TACR3: variants seen among roughly 807,000 people sequenced by gnomAD.
TACR3 encodes neuromedin-K receptor.
A neutral mutation model predicts 35.0 loss-of-function variants in TACR3; 34 were observed. That is an observed-to-expected ratio of 0.97 (90% CI 0.74 to 1.30). TACR3 has a LOEUF of 1.30. Ranked by LOEUF, TACR3 falls within the 50% of genes most tolerant of loss-of-function variation. TACR3 has a pLI of 0.00. For missense variants in TACR3, 558 were observed against 591.7 expected (o/e 0.94, Z 0.59); for synonymous variants, 233 against 221.1 (o/e 1.05, Z -0.48).
chr4:103,690,807 G>T (rs1217695797), intron 1 of TACR3, among the ~76,000 whole-genome samples: 1 of 151,836 alleles, frequency 6.6e-6, no homozygotes, highest in Non-Finnish European at 1.5e-5. Flanking sequence ...ACTGTGTGAG[G>T]TAATGCATTT....
At chr4:103,644,516 C>T (rs192032391) in intron 3 of TACR3, among the ~76,000 whole-genome samples, 68 of 151,674 alleles carry the variant, frequency 4.5e-4, no homozygotes, top group Non-Finnish European at 6.5e-4. Context: ...ATTGATTCAT[C>T]GGTCAAAATA....
rs1241846917 is a variant in TACR3, at chr4:103,629,871, AC to A, written c.888+26322del. On this transcript the variant is annotated intron_variant, in intron 3 of 4. Coordinates refer to ENST00000304883, the MANE Select transcript of TACR3 (RefSeq NM_001059.3). The stretch of plus-strand genomic sequence containing the variant: ...AAAACAAAAAAAAAACAAAAAAAAA[AC>A]AAAAAAAACAACAACAACAACAAAA... 2.2e-3 allele frequency among the ~76,000 whole-genome samples: 234 copies of A among 106,134 alleles called. 2 individuals are homozygous for A. The highest frequency in any genetic ancestry group is 4.7e-3 in the African/African-American group (131 of 27,816). The allele number at this position is 106,134 out of a possible 152,430, so 69.6% of individuals were successfully genotyped here. A position where few individuals can be genotyped will look rare whatever the true frequency, so the allele number is the denominator to read the frequency against.
chr4:103,660,699 A>G (rs1381181965), intron 1 of TACR3, among the ~76,000 whole-genome samples: 1 of 152,034 alleles, frequency 6.6e-6, no homozygotes, highest in Admixed American at 6.6e-5. Flanking sequence ...TACCTCAATA[A>G]AGCTTACAGA....
At chr4:103,699,492 A>T (rs1722598192) in intron 1 of TACR3, among the ~76,000 whole-genome samples, 3 of 152,038 alleles carry the variant, frequency 2.0e-5, no homozygotes, top group Admixed American at 6.6e-5. Context: ...TGTAGAGGAG[A>T]TATATTGTGA....
At chr4:103,692,702 A>G (rs934542079) in intron 1 of TACR3, among the ~76,000 whole-genome samples, 2 of 152,182 alleles carry the variant, frequency 1.3e-5, no homozygotes, top group African/African-American at 4.8e-5. Flanking sequence ...CAGTGGAACC[A>G]CATCCAGATA....
chr4:103,603,195 C>A (rs1210431125), intron 3 of TACR3, among the ~76,000 whole-genome samples: 9 of 152,356 alleles, frequency 5.9e-5, no homozygotes, highest in Middle Eastern at 6.8e-3. Context: ...CCCTCCTAGC[C>A]ATGTGCGGGA....
intron 1 of TACR3, among the ~76,000 whole-genome samples, chr4:103,682,572 C>T (rs772356461): frequency 6.6e-6 from 1 of 152,088 alleles, no homozygotes; most frequent in Non-Finnish European, 1.5e-5. Context: ...TCCCTCGACA[C>T]ATAGGGATTA....
At chr4:103,670,315 G>T (rs1392904465) in intron 1 of TACR3, among the ~76,000 whole-genome samples, 1 of 151,864 alleles carries the variant, frequency 6.6e-6, no homozygotes, top group Non-Finnish European at 1.5e-5. Context: ...GGCTATTTGG[G>T]ATCTTCTGTG....
chr4:103,661,230 T>C (rs1489103205), intron 1 of TACR3, among the ~76,000 whole-genome samples: 2 of 152,134 alleles, frequency 1.3e-5, no homozygotes, highest in African/African-American at 4.8e-5. Flanking sequence ...AGTAGAATTT[T>C]GCCATTTTGC....
chr4:103,653,653 T>G (rs1009930266), intron 3 of TACR3, among the ~76,000 whole-genome samples: 3 of 151,964 alleles, frequency 2.0e-5, no homozygotes, highest in South Asian at 4.1e-4. Flanking sequence ...ACTTCATGTC[T>G]AAAACACCAA....
chr4:103,695,729 G>A (rs1383031533), intron 1 of TACR3, among the ~76,000 whole-genome samples: 1 of 151,726 alleles, frequency 6.6e-6, no homozygotes, highest in Non-Finnish European at 1.5e-5. Context: ...GTGTGTGTGT[G>A]TGTGTGTGTG....
Position 103,589,931 on chromosome 4 carries a change from A to G in TACR3, c.1149T>C (p.Asp383=). The change falls in exon 5 of 5, where the codon GAT becomes GAC. Residue 383 remains aspartate, a synonymous_variant. Coordinates refer to ENST00000304883, the MANE Select transcript of TACR3 (RefSeq NM_001059.3). ...ACCTGGTGGTCTTGAGCTCTAGCTCATCATAGCTGGAAACTTTGATGAAAG... is the reference window on the plus strand; with the variant it reads ...ACCTGGTGGTCTTGAGCTCTAGCTCGTCATAGCTGGAAACTTTGATGAAAG... The part of the protein sequence containing the change: ...WCPFIKVSSY[D]ELELKTTRFH... 2 of 1,614,006 alleles carry G rather than the reference A, an allele frequency of 1.2e-6. No homozygotes were observed. The highest frequency in any genetic ancestry group is 1.7e-6 in the Non-Finnish European group (2 of 1,179,892).
intron 1 of TACR3, among the ~76,000 whole-genome samples, chr4:103,708,875 C>A (rs561903926): frequency 6.6e-6 from 1 of 152,160 alleles, no homozygotes; most frequent in South Asian, 2.1e-4. Context: ...GCTTCAGTAG[C>A]CGATTTGATT....
At chr4:103,689,723 T>C (rs1722357541) in intron 1 of TACR3, among the ~76,000 whole-genome samples, 1 of 151,940 alleles carries the variant, frequency 6.6e-6, no homozygotes, top group Non-Finnish European at 1.5e-5. Context: ...TATACAAGCA[T>C]ATGCATGATG....
At chr4:103,711,548 G>C (rs539278091) in intron 1 of TACR3, among the ~76,000 whole-genome samples, 2 of 152,244 alleles carry the variant, frequency 1.3e-5, no homozygotes, top group Admixed American at 6.5e-5. Flanking sequence ...TAATGAATGG[G>C]CAAAAACTGG....
At chr4:103,680,498 C>G (rs997629883) in intron 1 of TACR3, among the ~76,000 whole-genome samples, 11 of 146,356 alleles carry the variant, frequency 7.5e-5, no homozygotes, top group Non-Finnish European at 1.6e-4. Flanking sequence ...CATACATACA[C>G]ACACACACAC....
intron 3 of TACR3, among the ~76,000 whole-genome samples, chr4:103,616,860 G>A (rs1426697370): frequency 9.2e-5 from 14 of 152,116 alleles, no homozygotes; most frequent in African/African-American, 3.1e-4. Flanking sequence ...AGGTGGGCAT[G>A]TCGATTAAGC....
intron 3 of TACR3, among the ~76,000 whole-genome samples, chr4:103,601,477 G>C (rs995320146): frequency 6.6e-6 from 1 of 152,122 alleles, no homozygotes; most frequent in Non-Finnish European, 1.5e-5. Context: ...TTTCTTCCTA[G>C]CCTTGATGGT....
rs189273587 is a variant in TACR3 at position 103,590,854 on chromosome 4, T to A, written c.1085+633A>T. Among the ~76,000 whole-genome samples, 15 of 152,302 alleles carry A rather than the reference T, an allele frequency of 9.8e-5. No individual in the cohort carries two copies. The East Asian group carries it at 2.9e-3, about 29-fold the overall frequency. The stretch of plus-strand genomic sequence containing the variant: ...TTTATCTTTTTTTTCTAGTCTTACA[T>A]TTGACTACAAATATTCTCACTTTTC... On this transcript the variant is annotated intron_variant, in intron 4 of 4. Coordinates refer to ENST00000304883, the MANE Select transcript of TACR3 (RefSeq NM_001059.3).
Sources: gnomAD v4.1 joint callset for allele counts (sites outside exome capture counted in the v4.1 genomes callset) on GRCh38, gnomAD v4.1.1 for gene constraint, MANE v1.5 for transcripts, NCBI Gene and HGNC (gene_info 2026-07-23, HGNC 2026-07-21) for gene names.